Variants in VIT observed in about 807,000 individuals in gnomAD.
VIT encodes the protein vitrin.
A neutral mutation model predicts 78.0 loss-of-function variants in VIT; 99 were observed. The ratio of observed to expected loss-of-function variants is 1.27; its 90% confidence interval spans 1.08 to 1.50. The LOEUF is 1.50. Among genes scored for constraint, VIT ranks in the 40% most tolerant of loss-of-function variants. VIT has a pLI of 0.00. For synonymous variants in VIT, 374 were observed against 334.3 expected, an observed-to-expected ratio of 1.12 and a Z score of -1.29; for missense variants, 1,126 against 875.3, an observed-to-expected ratio of 1.29 and a Z score of -3.61.
At chr2:36,755,434 T>C (rs772177413) in intron 5 of VIT, among the ~76,000 whole-genome samples, 1 of 152,222 alleles carries the variant, frequency 6.6e-6, no homozygotes, top group African/African-American at 2.4e-5. Context: ...TAGATAGGTA[T>C]TGTCACAGCA....
At position 36,787,243 on chromosome 2, in the gene VIT, C is replaced by T. The variant is rs750566969; in HGVS notation, c.1025C>T (p.Pro342Leu). 4.3e-6 allele frequency: 7 copies of T among 1,614,106 alleles called. 1 individual carries two copies. The highest frequency in any genetic ancestry group is 1.1e-5 in the South Asian group (1 of 91,076). ...ADVAQALDIG[P>L]AGPLMGVVQY... ...GTTGCCCAAGCTCTTGACATTGGCC[C>T]TGCCGGTCCACTGATGGGTGTTGTC... The change falls in exon 12 of 16, where the codon CCT becomes CTT. Residue 342 changes from proline (P) to leucine (L), a missense_variant. Pro to Leu is a moderately conservative substitution (Grantham distance 98). Coordinates refer to ENST00000379242, the MANE Select transcript of VIT (RefSeq NM_053276.4).
In VIT at chr2:36,743,156, A is replaced by T. The variant is rs1667935920; in HGVS notation, c.175A>T (p.Ile59Phe). 1.9e-6 allele frequency: 3 copies of T among 1,613,946 alleles called. No homozygotes were observed. The highest frequency in any genetic ancestry group is 2.5e-6 in the Non-Finnish European group (3 of 1,179,964). ...KAGKIIDPEF[I>F]VKCPAGCQDP... Reference sequence around the variant, plus strand: ...CGGAAAGATCATCGATCCTGAGTTCATTGTGAAATGTCCAGCAGGATGCCA... The same window carrying T: ...CGGAAAGATCATCGATCCTGAGTTCTTTGTGAAATGTCCAGCAGGATGCCA... The change falls in exon 4 of 16, where the codon ATT (isoleucine) becomes TTT (phenylalanine). Residue 59 changes from isoleucine to phenylalanine, a missense_variant. Transcript: ENST00000379242.
intron 3 of VIT, among the ~76,000 whole-genome samples, chr2:36,731,300 AGTCTC>A (rs1667191851): frequency 6.6e-6 from 1 of 151,980 alleles, no homozygotes; most frequent in Non-Finnish European, 1.5e-5. Context: ...TTTGAGATGG[AGTCTC>A]ACTCTGTCGC....
At chr2:36,709,539 G>T (rs1665670960) in intron 1 of VIT, among the ~76,000 whole-genome samples, 1 of 152,204 alleles carries the variant, frequency 6.6e-6, no homozygotes, top group Admixed American at 6.5e-5. Context: ...CTGGCACATA[G>T]TACGTATACT....
chr2:36,765,115 T>G (rs1386323632), intron 6 of VIT, among the ~76,000 whole-genome samples: 3 of 152,114 alleles, frequency 2.0e-5, no homozygotes, highest in Non-Finnish European at 4.4e-5. Flanking sequence ...TTTGCTAATG[T>G]GATTAAATTA....
chr2:36,789,833 T>C (rs1049569155), intron 12 of VIT, among the ~76,000 whole-genome samples: 47 of 152,236 alleles, frequency 3.1e-4, no homozygotes, highest in African/African-American at 1.1e-3. Context: ...TACAAACAAA[T>C]GACCGCCTCA....
chr2:36,735,244 AG>A (rs1472729947), intron 3 of VIT, among the ~76,000 whole-genome samples: 3 of 152,186 alleles, frequency 2.0e-5, no homozygotes. Flanking sequence ...GATATAAAAA[AG>A]CAATTGGATG....
At chr2:36,763,496 ATTCAC>A (rs1310934206) in intron 6 of VIT, among the ~76,000 whole-genome samples, 6 of 152,016 alleles carry the variant, frequency 3.9e-5, no homozygotes, top group Non-Finnish European at 7.4e-5. Context: ...TCCATGAAGA[ATTCAC>A]CTTGGATCAA....
rs142220158 is a variant in VIT, at chr2:36,745,166, G to T, written c.275+1910G>T. On this transcript the variant is annotated intron_variant, in intron 4 of 15. Coordinates refer to ENST00000379242, the MANE Select transcript of VIT (RefSeq NM_053276.4). ...ATTCCTGAGTTTTCTATTCTTTTCC[G>T]TCGTCTACATGTCCGGTTTTTGTAC... Among the ~76,000 whole-genome samples the T allele has an allele frequency of 4.7e-3, 714 of 151,958 alleles. 3 individuals are homozygous for T. Among genetic ancestry groups the T allele is most frequent in the African/African-American group, 0.016 (676 of 41,478 alleles).
At chr2:36,753,613 A>T (rs1251266143) in intron 4 of VIT, among the ~76,000 whole-genome samples, 1 of 152,058 alleles carries the variant, frequency 6.6e-6, no homozygotes, top group Admixed American at 6.6e-5. Context: ...GGGGAAGGAG[A>T]AATTGGGAAC....
At chr2:36,749,201 T>C (rs773625105) in intron 4 of VIT, among the ~76,000 whole-genome samples, 3 of 152,186 alleles carry the variant, frequency 2.0e-5, no homozygotes, top group Non-Finnish European at 4.4e-5. Context: ...GCAAGGAAAT[T>C]ATGGAGATGT....
intron 1 of VIT, among the ~76,000 whole-genome samples, chr2:36,702,017 G>A (rs1429113424): frequency 1.3e-5 from 2 of 152,172 alleles, no homozygotes; most frequent in Non-Finnish European, 2.9e-5. Context: ...TGGTGATAAT[G>A]GGCTGTGAAA....
intron 13 of VIT, 52 bp downstream of exon 13, chr2:36,801,456 T>G: frequency 2.8e-6 from 4 of 1,436,298 alleles, no homozygotes; most frequent in Non-Finnish European, 3.9e-6. Flanking sequence ...GTTCTCTTTC[T>G]ACGTGATTGT....
chr2:36,724,162 G>T (rs1048473018), intron 2 of VIT, among the ~76,000 whole-genome samples: 2 of 152,038 alleles, frequency 1.3e-5, no homozygotes, highest in African/African-American at 4.8e-5. Flanking sequence ...GGGATTACAG[G>T]CGCCAGCCAC....
chr2:36,759,247 G>C lies in VIT; in HGVS notation c.487+201G>C, dbSNP rs573067120. The C allele has an allele frequency of 2.0e-6, 3 of 1,507,790 alleles. No individual in the cohort carries two copies. In the East Asian group the frequency reaches 7.4e-5, roughly 37 times the overall value. The allele number at this position is 1,507,790 out of a possible 1,614,324, so 93.4% of individuals were successfully genotyped here. A position where few individuals can be genotyped will look rare whatever the true frequency, so the allele number is the denominator to read the frequency against. ...CTGAAGAATGAAAGCTTTATTTTTTGTTTTTGCAATTCCGAGATTGTGTCT... is the reference window on the plus strand; with the variant it reads ...CTGAAGAATGAAAGCTTTATTTTTTCTTTTTGCAATTCCGAGATTGTGTCT... On this transcript the variant is annotated intron_variant, in intron 6 of 15. Transcript: ENST00000379242.
At chr2:36,744,908 G>T (rs946474286) in intron 4 of VIT, among the ~76,000 whole-genome samples, 1 of 152,060 alleles carries the variant, frequency 6.6e-6, no homozygotes, top group Non-Finnish European at 1.5e-5. Flanking sequence ...TGTCGAGAAG[G>T]GTATTTCCTA....
Position 36,814,337 on chromosome 2 carries a change from G to A in VIT, c.2058G>A (p.Glu686=), listed in dbSNP as rs17441812. 88,368 of 1,614,168 alleles carry A rather than the reference G, an allele frequency of 0.055. 2,680 individuals are homozygous for A. Among genetic ancestry groups the A allele is most frequent in the Non-Finnish European group, 0.065 (76,921 of 1,180,024 alleles). Residue 686 remains glutamate, a synonymous_variant, in exon 16 of 16, where the codon GAG becomes GAA. Coordinates refer to ENST00000379242, the MANE Select transcript of VIT (RefSeq NM_053276.4). ...VPRIIQNICT[E]FNSQPRN is the part of the protein sequence containing the mutation. ...GGATCATCCAGAACATTTGTACAGA[G>A]TTCAACTCACAGCCTCGGAACTGAA...
At chr2:36,700,765 T>A (rs1042265771) in intron 1 of VIT, among the ~76,000 whole-genome samples, 4 of 151,966 alleles carry the variant, frequency 2.6e-5, no homozygotes, top group Non-Finnish European at 4.4e-5. Flanking sequence ...TAATAATAAC[T>A]GCTAACACTT....
At chr2:36,734,228 G>T (rs1458792052) in intron 3 of VIT, among the ~76,000 whole-genome samples, 1 of 152,206 alleles carries the variant, frequency 6.6e-6, no homozygotes. Context: ...TTACAAATAT[G>T]AATGTGAAAT....
Sources: allele counts gnomAD v4.1 joint callset (sites outside exome capture counted in the v4.1 genomes callset), GRCh38; gene constraint gnomAD v4.1.1; transcripts MANE v1.5; gene names NCBI Gene and HGNC (gene_info 2026-07-23, HGNC 2026-07-21).